The following CNTNAP4 variants were observed in gnomAD, a reference collection of about 807,000 sequenced individuals.
CNTNAP4 encodes contactin associated protein family member 4.
A neutral mutation model predicts 148.4 loss-of-function variants in CNTNAP4; 98 were observed. That is an observed-to-expected ratio of 0.66 (90% CI 0.56 to 0.78). The LOEUF is 0.78. CNTNAP4 is among the 30% of genes least tolerant of loss of function. The probability of loss-of-function intolerance (pLI) is 0.00; values close to 1 mark genes in which losing one functional copy is unlikely to be tolerated. For synonymous variants in CNTNAP4, 730 were observed against 565.1 expected (o/e 1.29, Z -4.14); for missense variants, 1,935 against 1,565.6 (o/e 1.24, Z -3.98).
At chr16:76,497,958 T>C (rs1448016624) in intron 14 of CNTNAP4, among the ~76,000 whole-genome samples, 1 of 152,240 alleles carries the variant, frequency 6.6e-6, no homozygotes, top group Non-Finnish European at 1.5e-5. Flanking sequence ...TTACACTAAA[T>C]GTTAATGTAT....
chr16:76,293,012 A>G (rs1448720396), intron 1 of CNTNAP4, among the ~76,000 whole-genome samples: 5 of 152,120 alleles, frequency 3.3e-5, no homozygotes, highest in African/African-American at 1.2e-4. Context: ...AATATCAGAG[A>G]CTTTCAGGCC....
chr16:76,407,455 A>C (rs1223426580), intron 3 of CNTNAP4, among the ~76,000 whole-genome samples: 1 of 151,906 alleles, frequency 6.6e-6, no homozygotes, highest in East Asian at 1.9e-4. Flanking sequence ...AACATTTGTA[A>C]CTCATGAGAG....
At chr16:76,317,306 CA>C (rs34684365) in intron 2 of CNTNAP4, among the ~76,000 whole-genome samples, 14,709 of 82,068 alleles carry the variant, frequency 0.18, 1,210 homozygotes, top group East Asian at 0.37. Context: ...AAAAACCCCC[CA>C]AAAAAAAAAA....
intron 4 of CNTNAP4, among the ~76,000 whole-genome samples, chr16:76,447,738 A>G (rs888275307): frequency 1.3e-5 from 2 of 152,232 alleles, no homozygotes; most frequent in Non-Finnish European, 2.9e-5. Context: ...TTGTTCAACA[A>G]TAAGCTAATG....
chr16:76,491,487 C>T (rs2143797924), intron 13 of CNTNAP4, among the ~76,000 whole-genome samples: 1 of 152,320 alleles, frequency 6.6e-6, no homozygotes, highest in South Asian at 2.1e-4. Flanking sequence ...ATAGCACGTA[C>T]AAAGTGCATG....
chr16:76,501,788 C>T (rs1382850529), intron 15 of CNTNAP4, among the ~76,000 whole-genome samples: 1 of 152,120 alleles, frequency 6.6e-6, no homozygotes. Context: ...TAAGAATTTA[C>T]GGCCGGGCGC....
chr16:76,492,738 C>T (rs2082268120), intron 13 of CNTNAP4, among the ~76,000 whole-genome samples: 1 of 152,124 alleles, frequency 6.6e-6, no homozygotes, highest in Admixed American at 6.6e-5. Flanking sequence ...TGCTTGCCAC[C>T]ATGTAAGATG....
intron 1 of CNTNAP4, among the ~76,000 whole-genome samples, chr16:76,306,458 G>C (rs747240850): frequency 6.6e-6 from 1 of 152,054 alleles, no homozygotes; most frequent in Non-Finnish European, 1.5e-5. Flanking sequence ...AATAAAACAT[G>C]ATTGGCTCCT....
At chr16:76,502,183 A>G (rs551865470) in intron 15 of CNTNAP4, among the ~76,000 whole-genome samples, 9 of 152,108 alleles carry the variant, frequency 5.9e-5, no homozygotes, top group African/African-American at 1.9e-4. Flanking sequence ...TCCTGTACCT[A>G]TTTTTAGCGT....
chr16:76,492,541 A>G (rs981376286), intron 13 of CNTNAP4, among the ~76,000 whole-genome samples: 3 of 152,152 alleles, frequency 2.0e-5, no homozygotes, highest in African/African-American at 7.2e-5. Flanking sequence ...AGGGCTTGAT[A>G]TGGTTTGGCT....
At chr16:76,319,356 A>G (rs1422825307) in intron 2 of CNTNAP4, among the ~76,000 whole-genome samples, 1 of 151,828 alleles carries the variant, frequency 6.6e-6, no homozygotes, top group Non-Finnish European at 1.5e-5. Flanking sequence ...GTGCTGTTGC[A>G]CTCCAGGGTG....
chr16:76,441,391 A>C, intron 4 of CNTNAP4, among the ~76,000 whole-genome samples: 1 of 152,168 alleles, frequency 6.6e-6, no homozygotes. Context: ...TCTTAATTCC[A>C]TGGCAGATTG....
intron 15 of CNTNAP4, among the ~76,000 whole-genome samples, chr16:76,504,199 T>G (rs1339748275): frequency 6.6e-6 from 1 of 152,070 alleles, no homozygotes; most frequent in Non-Finnish European, 1.5e-5. Context: ...TAAGACTTAC[T>G]GTAAAACTAA....
chr16:76,480,199 G>A (rs2081769541), intron 12 of CNTNAP4, among the ~76,000 whole-genome samples: 1 of 152,086 alleles, frequency 6.6e-6, no homozygotes, highest in Admixed American at 6.5e-5. Flanking sequence ...ACTATTCATA[G>A]ATAATCAGGT....
intron 10 of CNTNAP4, among the ~76,000 whole-genome samples, chr16:76,472,070 G>A (rs2081396456): frequency 6.7e-6 from 1 of 149,772 alleles, no homozygotes; most frequent in African/African-American, 2.5e-5. Flanking sequence ...ATTTGTTCAA[G>A]TTCACAAGCA....
At chr16:76,389,662 A>T (rs1395625168) in intron 3 of CNTNAP4, among the ~76,000 whole-genome samples, 1 of 151,674 alleles carries the variant, frequency 6.6e-6, no homozygotes, top group Non-Finnish European at 1.5e-5. Flanking sequence ...GGGTTTCGCC[A>T]TGTTGTCCAG....
chr16:76,530,791 G>C (rs1054074559), intron 17 of CNTNAP4, among the ~76,000 whole-genome samples: 1 of 152,144 alleles, frequency 6.6e-6, no homozygotes, highest in Non-Finnish European at 1.5e-5. Context: ...AGAACATTGC[G>C]TGACAAACTT....
chr16:76,432,839 A>T lies in CNTNAP4; in HGVS notation c.538+5240A>T, dbSNP rs368049972. The stretch of plus-strand genomic sequence containing the variant: ...TCCTCATCCCCAACAGAATAAGAAC[A>T]TCCAACTGTCAAGCCATACTCAACT... On this transcript the variant is annotated intron_variant, in intron 4 of 23. Coordinates refer to ENST00000611870, the MANE Select transcript of CNTNAP4 (RefSeq NM_033401.5). 9.2e-5 allele frequency among the ~76,000 whole-genome samples: 14 copies of T among 152,262 alleles called. No homozygotes were observed. The East Asian group carries it at 1.9e-3, about 21-fold the overall frequency.
chr16:76,453,192 G>T (rs2080584263), intron 8 of CNTNAP4, among the ~76,000 whole-genome samples: 1 of 152,052 alleles, frequency 6.6e-6, no homozygotes, highest in Non-Finnish European at 1.5e-5. Flanking sequence ...GGTCTTTCTG[G>T]GATCTATATC....
Sources: allele counts gnomAD v4.1 joint callset (sites outside exome capture counted in the v4.1 genomes callset), GRCh38; gene constraint gnomAD v4.1.1; transcripts MANE v1.5; gene names NCBI Gene and HGNC (gene_info 2026-07-23, HGNC 2026-07-21).